Variants in SLC25A13 observed in about 807,000 individuals in gnomAD.
The protein encoded by SLC25A13 is electrogenic aspartate/glutamate antiporter SLC25A13, mitochondrial.
SLC25A13 carries 70 observed loss-of-function variants against 85.5 expected under a neutral mutation model. The ratio of observed to expected loss-of-function variants is 0.82; its 90% confidence interval spans 0.68 to 1.00. The LOEUF is 1.00. Among genes scored for constraint, SLC25A13 ranks in the 50% least tolerant of loss-of-function variants. The pLI is 0.00. For synonymous variants in SLC25A13, 259 were observed against 288.7 expected (o/e 0.90, Z 1.04); for missense variants, 765 against 819.8 (o/e 0.93, Z 0.82).
intron 1 of SLC25A13, among the ~76,000 whole-genome samples, chr7:96,306,303 C>G (rs1427239335): frequency 6.6e-6 from 1 of 152,214 alleles, no homozygotes; most frequent in African/African-American, 2.4e-5. Context: ...TGAGCATCCC[C>G]CAGTCTGACC....
At chr7:96,265,881 T>C (rs896761276) in intron 3 of SLC25A13, among the ~76,000 whole-genome samples, 2 of 152,150 alleles carry the variant, frequency 1.3e-5, no homozygotes, top group African/African-American at 2.4e-5. Context: ...TTCTCCTTCA[T>C]AGATGGTGCC....
Position 96,208,847 on chromosome 7 carries a change from C to A in SLC25A13, c.459G>T (p.Gln153His). The change falls in exon 5 of 18, where the codon CAG becomes CAT. Residue 153 changes from glutamine (Q) to histidine (H), a missense_variant. By Grantham distance (24) the Gln-to-His change is conservative. Transcript: ENST00000265631. ...KRHLTYAEFT[Q>H]FLLEIQLEHA... Reference sequence around the variant, plus strand: ...TAAGAGCTAGACCCACCAATAAAAACTGAGTAAATTCCGCATATGTCAGGT... The same window carrying A: ...TAAGAGCTAGACCCACCAATAAAAAATGAGTAAATTCCGCATATGTCAGGT... The A allele has an allele frequency of 6.2e-7, 1 of 1,614,034 alleles. No homozygotes were observed. Among genetic ancestry groups the A allele is most frequent in the Admixed American group, 1.7e-5 (1 of 60,010 alleles).
chr7:96,283,819 T>TAAA (rs1224658803), intron 2 of SLC25A13: 53 of 80,888 alleles, frequency 6.6e-4, no homozygotes, highest in African/African-American at 1.2e-3. Context: ...AATAGGTGTT[T>TAAA]AAAAAAAAAA....
chr7:96,170,212 A>G (rs1793942012), intron 12 of SLC25A13, 87 bp from the exon 13 acceptor site: 5 of 1,165,254 alleles, frequency 4.3e-6, no homozygotes, highest in Non-Finnish European at 6.4e-6. Flanking sequence ...AATATATGCT[A>G]TTTTTTTCTA....
At chr7:96,297,728 A>G (rs980670051) in intron 1 of SLC25A13, among the ~76,000 whole-genome samples, 2 of 152,200 alleles carry the variant, frequency 1.3e-5, no homozygotes, top group Non-Finnish European at 2.9e-5. Flanking sequence ...ACAGGCATGT[A>G]TACCTCACTA....
intron 2 of SLC25A13, among the ~76,000 whole-genome samples, chr7:96,295,036 G>A (rs901832143): frequency 1.3e-5 from 2 of 151,984 alleles, no homozygotes; most frequent in African/African-American, 2.4e-5. Flanking sequence ...TCACTGAATC[G>A]TTACAATTTA....
chr7:96,179,780 T>C (rs1794350550), intron 11 of SLC25A13, among the ~76,000 whole-genome samples: 1 of 152,228 alleles, frequency 6.6e-6, no homozygotes, highest in African/African-American at 2.4e-5. Flanking sequence ...AGATTAACTA[T>C]GGTTTGTTTC....
intron 3 of SLC25A13, among the ~76,000 whole-genome samples, chr7:96,275,805 G>A (rs1446014628): frequency 6.6e-6 from 1 of 152,098 alleles, no homozygotes; most frequent in African/African-American, 2.4e-5. Flanking sequence ...GTTGACGGGT[G>A]CAGCACACCA....
At chr7:96,196,128 T>C (rs557418175) in intron 5 of SLC25A13, among the ~76,000 whole-genome samples, 73 of 152,316 alleles carry the variant, frequency 4.8e-4, no homozygotes, top group African/African-American at 1.6e-3. Context: ...TCGTGAGCTA[T>C]TGAACAATGG....
At chr7:96,162,974 G>A (rs1257348112) in intron 13 of SLC25A13, among the ~76,000 whole-genome samples, 1 of 152,146 alleles carries the variant, frequency 6.6e-6, no homozygotes, top group African/African-American at 2.4e-5. Context: ...TCTAGGATCA[G>A]CAACAGACCC....
At chr7:96,207,876 G>A (rs948197293) in intron 5 of SLC25A13, among the ~76,000 whole-genome samples, 4 of 152,058 alleles carry the variant, frequency 2.6e-5, no homozygotes, top group African/African-American at 7.2e-5. Context: ...CTGCTACAGC[G>A]GTTAACCCAC....
intron 14 of SLC25A13, among the ~76,000 whole-genome samples, chr7:96,133,442 C>A (rs1792127908): frequency 1.3e-5 from 2 of 152,144 alleles, no homozygotes; most frequent in African/African-American, 4.8e-5. Flanking sequence ...GAGGGCTATG[C>A]CCTTGGCTTG....
At chr7:96,171,600 G>C in intron 11 of SLC25A13, 76 bp from the exon 12 acceptor site, 1 of 1,292,770 alleles carries the variant, frequency 7.7e-7, no homozygotes, top group South Asian at 1.2e-5. Flanking sequence ...CTACAGAGGG[G>C]ATTACCACTT....
rs187090106 is a variant in SLC25A13 at position 96,230,646 on chromosome 7, T to C, written c.328+4156A>G. ...AGATACTTATAAACAGAAGTAAGGCTGTACACCTACAACTATCTGATCTTC... is the reference window on the plus strand; with the variant it reads ...AGATACTTATAAACAGAAGTAAGGCCGTACACCTACAACTATCTGATCTTC... On this transcript the variant is annotated intron_variant, in intron 4 of 17. Coordinates refer to ENST00000265631, the MANE Select transcript of SLC25A13 (RefSeq NM_014251.3). Among the ~76,000 whole-genome samples, 30 of 152,346 alleles carry C rather than the reference T, an allele frequency of 2.0e-4. No homozygotes were observed. The South Asian group carries it at 5.0e-3, about 25-fold the overall frequency.
At chr7:96,146,414 G>T (rs1210591811) in intron 14 of SLC25A13, 142 bp downstream of exon 14, 16 of 1,040,692 alleles carry the variant, frequency 1.5e-5, no homozygotes, top group Admixed American at 2.5e-5. Context: ...TAATTGGCAT[G>T]AAGGTGCCTC....
intron 2 of SLC25A13, among the ~76,000 whole-genome samples, chr7:96,287,900 C>T (rs1049652607): frequency 1.3e-5 from 2 of 152,164 alleles, no homozygotes; most frequent in African/African-American, 2.4e-5. Context: ...TCTTTGGCAG[C>T]CCACTTAGTT....
chr7:96,125,692 A>G (rs1332431905), intron 15 of SLC25A13, among the ~76,000 whole-genome samples: 1 of 151,070 alleles, frequency 6.6e-6, no homozygotes, highest in East Asian at 1.9e-4. Context: ...TTCTACCTGT[A>G]TCTTAAATTT....
At chr7:96,292,975 A>G (rs1186297222) in intron 2 of SLC25A13, among the ~76,000 whole-genome samples, 1 of 152,242 alleles carries the variant, frequency 6.6e-6, no homozygotes, top group Non-Finnish European at 1.5e-5. Flanking sequence ...TTGCCAAGTC[A>G]ATCCTAAGCC....
chr7:96,261,765 T>C (rs1797860819), intron 3 of SLC25A13, among the ~76,000 whole-genome samples: 1 of 152,228 alleles, frequency 6.6e-6, no homozygotes, highest in Admixed American at 6.5e-5. Flanking sequence ...TAATTCATTT[T>C]AAAAATTTAC....
Sources: gnomAD v4.1 joint callset for allele counts (sites outside exome capture counted in the v4.1 genomes callset) on GRCh38, gnomAD v4.1.1 for gene constraint, MANE v1.5 for transcripts, NCBI Gene and HGNC (gene_info 2026-07-23, HGNC 2026-07-21) for gene names.